Variants in ZNF689 observed in about 807,000 individuals in gnomAD.
The protein encoded by ZNF689 is zinc finger protein 689, also known as short ORF-encoded histone-binding protein.
ZNF689 carries 14 observed loss-of-function variants against 37.2 expected under a neutral mutation model. The ratio of observed to expected loss-of-function variants is 0.38; its 90% confidence interval spans 0.25 to 0.59. The LOEUF is 0.59. Ranked by LOEUF, ZNF689 falls within the 20% of genes least tolerant of loss-of-function variation. The pLI is 0.68. For synonymous variants in ZNF689, 277 were observed against 283.3 expected (o/e 0.98, Z 0.22); for missense variants, 573 against 700.2 (o/e 0.82, Z 2.05).
chr16:30,604,703 G>C lies in ZNF689; in HGVS notation c.1064C>G (p.Ser355Cys). The change falls in exon 3 of 3, where the codon TCC becomes TGC. Residue 355 changes from serine (S) to cysteine (C), a missense_variant. By Grantham distance (112) the Ser-to-Cys change is moderately radical. This residue lies in a region of ZNF689 where 317 missense variants were observed against 367.1 expected (regional missense o/e 0.86). Coordinates refer to ENST00000287461, the MANE Select transcript of ZNF689 (RefSeq NM_138447.3). The surrounding 1 kb of genome is among the most constrained non-coding windows in gnomAD (Gnocchi z 5.2). Reference protein sequence around the residue: ...YACEHCEARFSQRSTLLQHQL... With the variant: ...YACEHCEARFCQRSTLLQHQL... ...GTGCTGGAGCAGCGTGCTGCGCTGGGAGAAGCGGGCCTCACAGTGCTCGCA... is the reference window on the plus strand; with the variant it reads ...GTGCTGGAGCAGCGTGCTGCGCTGGCAGAAGCGGGCCTCACAGTGCTCGCA... 6.2e-7 allele frequency: 1 copy of C among 1,608,634 alleles called. No individual in the cohort carries two copies. Among genetic ancestry groups the C allele is most frequent in the Non-Finnish European group, 8.5e-7 (1 of 1,178,712 alleles).
intron 2 of ZNF689, 71 bp downstream of exon 2, chr16:30,609,452 ACT>A: frequency 6.9e-7 from 1 of 1,446,846 alleles, no homozygotes; most frequent in South Asian, 1.2e-5. Context: ...CCCAACCAAA[ACT>A]CTGGACAGAG....
chr16:30,605,107 G>A lies in ZNF689; in HGVS notation c.660C>T (p.Leu220=), dbSNP rs778388409. The A allele has an allele frequency of 1.9e-5, 31 of 1,613,886 alleles. No individual in the cohort carries two copies. The highest frequency in any genetic ancestry group is 2.5e-5 in the Non-Finnish European group (30 of 1,179,968). The change falls in exon 3 of 3, where the codon CTC becomes CTT. Residue 220 remains leucine (L), a synonymous_variant. Transcript: ENST00000287461. This position sits in a 1 kb window ranked among gnomAD's most constrained non-coding sequence, Gnocchi z 5.1. ...CTGTATGGATGACCTGGTGCTGGGA[G>A]AGGTTCTTGCGCTGGGAGAAACGTT... The part of the protein sequence containing the change: ...CGKRFSQRKN[L]SQHQVIHTGE...
chr16:30,609,302 G>C, intron 2 of ZNF689: 10 of 239,062 alleles, frequency 4.2e-5, no homozygotes, highest in Non-Finnish European at 6.5e-5. Flanking sequence ...CGAAGAATAA[G>C]CCCACTGATT....
rs1386683708 is a variant in ZNF689, at chr16:30,610,167, A to T, written c.-126T>A. 4 of 1,182,628 alleles carry T rather than the reference A, an allele frequency of 3.4e-6. No individual in the cohort carries two copies. The African/African-American group carries it at 6.2e-5, about 18-fold the overall frequency. The allele number at this position is 1,182,628 out of a possible 1,614,324, so 73.3% of individuals were successfully genotyped here. A position where few individuals can be genotyped will look rare whatever the true frequency, so the allele number is the denominator to read the frequency against. ...AGCGTGGCCGGGGAGGCCCGGAGGG[A>T]ATCGGAATTGGTCGCCCGCGGGGCT... is the stretch of plus-strand genomic sequence containing the variant. On this transcript the variant is annotated 5_prime_UTR_variant, in exon 1 of 3. Transcript: ENST00000287461.
At position 30,609,648 on chromosome 16, in the gene ZNF689, G is replaced by C; in HGVS notation, c.206-10C>G. On this transcript the variant is annotated splice_polypyrimidine_tract_variant and intron_variant, in intron 1 of 2. Transcript: ENST00000287461. ...TTGGGACCTGCGCACCCTGGGGAAAGAGAACAAATCAGAAGGCCAGCTCCT... is the reference window on the plus strand; with the variant it reads ...TTGGGACCTGCGCACCCTGGGGAAACAGAACAAATCAGAAGGCCAGCTCCT... The C allele has an allele frequency of 6.2e-7, 1 of 1,613,876 alleles. No individual in the cohort carries two copies. Among genetic ancestry groups the C allele is most frequent in the Non-Finnish European group, 8.5e-7 (1 of 1,179,940 alleles).
chr16:30,610,372 GC>G lies in ZNF689; in HGVS notation c.-332del. The G allele has an allele frequency of 3.2e-6, 1 of 313,652 alleles. No individual in the cohort carries two copies. Among genetic ancestry groups the G allele is most frequent in the Non-Finnish European group, 5.9e-6 (1 of 168,756 alleles). 19.4% of individuals were successfully genotyped at this position (313,652 alleles called of 1,614,324 possible). ...GCCATGCCGGCTTCCTAACCTCTTTGCCCTCAAGTGTAATGGCGCTGCGATT... is the reference window on the plus strand; with the variant it reads ...GCCATGCCGGCTTCCTAACCTCTTTGCCTCAAGTGTAATGGCGCTGCGATT... On this transcript the variant is annotated 5_prime_UTR_variant, in exon 1 of 3. Coordinates refer to ENST00000287461, the MANE Select transcript of ZNF689 (RefSeq NM_138447.3).
chr16:30,609,608 G>A lies in ZNF689; in HGVS notation c.236C>T (p.Ser79Phe), dbSNP rs1202906130. 1.9e-6 allele frequency: 3 copies of A among 1,613,948 alleles called. No homozygotes were observed. Among genetic ancestry groups the A allele is most frequent in the African/African-American group, 2.7e-5 (2 of 74,858 alleles). The change falls in exon 2 of 3, where the codon TCC (serine) becomes TTC (phenylalanine). Residue 79 changes from serine to phenylalanine, a missense_variant. Ser to Phe is a radical substitution (Grantham distance 155, BLOSUM62 -2). This residue lies in a region of ZNF689 where 252 missense variants were observed against 313.3 expected (regional missense o/e 0.80). Coordinates refer to ENST00000287461, the MANE Select transcript of ZNF689 (RefSeq NM_138447.3). ...GCAGPKPALI[S>F]WLERNTDDWE... is the part of the protein sequence containing the mutation. Reference sequence around the variant, plus strand: ...GTCATCGGTGTTTCGTTCCAACCAGGAGATGAGGGCTGGTTTGGGACCTGC... The same window carrying A: ...GTCATCGGTGTTTCGTTCCAACCAGAAGATGAGGGCTGGTTTGGGACCTGC...
Position 30,604,776 on chromosome 16 carries a change from G to A in ZNF689, c.991C>T (p.Arg331Cys), listed in dbSNP as rs1366703240. The A allele has an allele frequency of 3.7e-6, 6 of 1,609,080 alleles. No individual in the cohort carries two copies. The highest frequency in any genetic ancestry group is 4.2e-6 in the Non-Finnish European group (5 of 1,178,112). Residue 331 changes from arginine (R) to cysteine (C), a missense_variant, in exon 3 of 3, where the codon CGC becomes TGC. This residue lies in a region of ZNF689 where 317 missense variants were observed against 367.1 expected (regional missense o/e 0.86). Coordinates refer to ENST00000287461, the MANE Select transcript of ZNF689 (RefSeq NM_138447.3). This position sits in a 1 kb window ranked among gnomAD's most constrained non-coding sequence, Gnocchi z 5.2. ...TGCACACGCCGGTGACTGACCAGGCGAGAGGAGGAGGAGAAGCGCCGCTCG... is the reference window on the plus strand; with the variant it reads ...TGCACACGCCGGTGACTGACCAGGCAAGAGGAGGAGGAGAAGCGCCGCTCG... Reference protein sequence around the residue: ...DCERRFSSSSRLVSHRRVHSG... With the variant: ...DCERRFSSSSCLVSHRRVHSG...
At chr16:30,610,462 C>A, upstream of ZNF689, 1 of 190,452 alleles carries the variant, frequency 5.3e-6, no homozygotes, top group Non-Finnish European at 1.1e-5. Context: ...AGCCGAAGAT[C>A]GAGCGTTCTG....
chr16:30,605,644 G>A lies in ZNF689; in HGVS notation c.320-197C>T, dbSNP rs757229876. Among the ~76,000 whole-genome samples the A allele has an allele frequency of 6.6e-6, 1 of 152,174 alleles. No individual in the cohort carries two copies. Among genetic ancestry groups the A allele is most frequent in the Non-Finnish European group, 1.5e-5 (1 of 68,024 alleles). On this transcript the variant is annotated intron_variant, in intron 2 of 2. Coordinates refer to ENST00000287461, the MANE Select transcript of ZNF689 (RefSeq NM_138447.3). This position sits in a 1 kb window ranked among gnomAD's most constrained non-coding sequence, Gnocchi z 5.1. ...AACCCAGCTTGGAGAAGTCTAGGAA[G>A]ATTTCTCGGAGATTAAACTAACTTT...
rs2052021742 is a variant in ZNF689 at position 30,604,973 on chromosome 16, C to T, written c.794G>A (p.Ser265Asn). 6.3e-7 allele frequency: 1 copy of T among 1,589,314 alleles called. No individual in the cohort carries two copies. Among genetic ancestry groups the T allele is most frequent in the East Asian group, 2.2e-5 (1 of 44,628 alleles). ...HTGEKPHQCP[S>N]CGRRFAYPSL... ...GGGGTAGGCGAAGCGACGTCCACAGCTAGGGCACTGGTGGGGTTTTTCACC... is the reference window on the plus strand; with the variant it reads ...GGGGTAGGCGAAGCGACGTCCACAGTTAGGGCACTGGTGGGGTTTTTCACC... Residue 265 changes from serine to asparagine, a missense_variant, in exon 3 of 3, where the codon AGC becomes AAC. Ser to Asn is a conservative substitution (Grantham distance 46). Around this residue, in one of 3 missense-constraint regions of ZNF689, gnomAD observed 317 missense variants for 367.1 expected, o/e 0.86. Coordinates refer to ENST00000287461, the MANE Select transcript of ZNF689 (RefSeq NM_138447.3). The surrounding 1 kb of genome is among the most constrained non-coding windows in gnomAD (Gnocchi z 5.2).
Position 30,609,579 on chromosome 16 carries a change from C to T in ZNF689, c.265G>A (p.Glu89Lys). The T allele has an allele frequency of 6.2e-7, 1 of 1,614,126 alleles. No homozygotes were observed. The part of the protein sequence containing the change: ...SWLERNTDDW[E>K]PAALDPQEYP... ...TCCTGCGGATCTAGAGCAGCCGGTT[C>T]CCAGTCATCGGTGTTTCGTTCCAAC... The change falls in exon 2 of 3, where the codon GAA becomes AAA. Residue 89 changes from glutamate (E) to lysine (K), a missense_variant. Coordinates refer to ENST00000287461, the MANE Select transcript of ZNF689 (RefSeq NM_138447.3).
rs1567526800 is a variant in ZNF689 at position 30,604,080 on chromosome 16, C to A, written c.*184G>T. On this transcript the variant is annotated 3_prime_UTR_variant, in exon 3 of 3. Coordinates refer to ENST00000287461, the MANE Select transcript of ZNF689 (RefSeq NM_138447.3). This position sits in a 1 kb window ranked among gnomAD's most constrained non-coding sequence, Gnocchi z 5.2. ...ACTTTAAGCAAATGACGTCACCTCT[C>A]CTAATGGGACTGTTCCAGACACGCA... 1 of 744,134 alleles carries A rather than the reference C, an allele frequency of 1.3e-6. No homozygotes were observed. The highest frequency in any genetic ancestry group is 1.5e-5 in the South Asian group (1 of 67,506). The allele number at this position is 744,134 out of a possible 1,614,324, so 46.1% of individuals were successfully genotyped here. A position where few individuals can be genotyped will look rare whatever the true frequency, so the allele number is the denominator to read the frequency against.
Position 30,604,948 on chromosome 16 carries a change from G to A in ZNF689, c.819C>T (p.Pro273=), listed in dbSNP as rs1170037972. ...CPSCGRRFAY[P]SLLAIHQRTH... ...TACGCTGGTGGATGGCTAGCAGGGA[G>A]GGGTAGGCGAAGCGACGTCCACAGC... is the stretch of plus-strand genomic sequence containing the variant. The change falls in exon 3 of 3, where the codon CCC becomes CCT. Residue 273 remains proline (P), a synonymous_variant. Coordinates refer to ENST00000287461, the MANE Select transcript of ZNF689 (RefSeq NM_138447.3). This position sits in a 1 kb window ranked among gnomAD's most constrained non-coding sequence, Gnocchi z 5.2. The A allele has an allele frequency of 6.3e-7, 1 of 1,577,154 alleles. No individual in the cohort carries two copies. Among genetic ancestry groups the A allele is most frequent in the Non-Finnish European group, 8.6e-7 (1 of 1,160,012 alleles).
chr16:30,604,620 G>A lies in ZNF689; in HGVS notation c.1147C>T (p.Arg383Trp). ...YPCPDCGRAFRRSGSLAIHRS... is the reference protein window; with the variant it reads ...YPCPDCGRAFWRSGSLAIHRS... ...TGGATGGCCAGGGAGCCGCTCCGCC[G>A]GAAGGCACGCCCACAGTCTGGGCAG... The change falls in exon 3 of 3, where the codon CGG becomes TGG. Residue 383 changes from arginine (R) to tryptophan (W), a missense_variant. Coordinates refer to ENST00000287461, the MANE Select transcript of ZNF689 (RefSeq NM_138447.3). The surrounding 1 kb of genome is among the most constrained non-coding windows in gnomAD (Gnocchi z 5.2). The A allele has an allele frequency of 1.2e-6, 2 of 1,608,382 alleles. No individual in the cohort carries two copies. The highest frequency in any genetic ancestry group is 1.7e-6 in the Non-Finnish European group (2 of 1,177,664).
intron 2 of ZNF689, among the ~76,000 whole-genome samples, chr16:30,608,945 C>A (rs568318771): frequency 6.6e-6 from 1 of 152,238 alleles, no homozygotes; most frequent in Admixed American, 6.5e-5. Flanking sequence ...GAGGAGATTG[C>A]AGTATGTCCT....
chr16:30,609,236 CA>C (rs1223004271), intron 2 of ZNF689, among the ~76,000 whole-genome samples: 1 of 110,802 alleles, frequency 9.0e-6, no homozygotes, highest in Non-Finnish European at 1.7e-5. Flanking sequence ...GCCAGAAGTT[CA>C]AGACCGAACT....
chr16:30,607,689 G>C (rs2052049489), intron 2 of ZNF689, among the ~76,000 whole-genome samples: 1 of 152,038 alleles, frequency 6.6e-6, no homozygotes, highest in Non-Finnish European at 1.5e-5. Context: ...AGCAAGACAG[G>C]CTGGGCGCGG....
In ZNF689 at chr16:30,604,890, CG is replaced by C; in HGVS notation, c.876del (p.Glu293SerfsTer302). The C allele has an allele frequency of 6.3e-7, 1 of 1,576,930 alleles. No individual in the cohort carries two copies. Among genetic ancestry groups the C allele is most frequent in the Non-Finnish European group, 8.6e-7 (1 of 1,161,484 alleles). On this transcript the variant is annotated frameshift_variant, in exon 3 of 3. Transcript: ENST00000287461. LOFTEE classifies it high-confidence loss of function. The surrounding 1 kb of genome is among the most constrained non-coding windows in gnomAD (Gnocchi z 5.2). The part of the protein sequence containing the change: ...THTGEKPYTC[L>X]ECNRRFRQRT... ...CGCTGGCGGAAGCGGCGGTTGCACT[CG>C]AGGCAAGTGTAGGGCTTCTCTCCCG... is the stretch of plus-strand genomic sequence containing the variant.
Sources: gnomAD v4.1 joint callset for allele counts (sites outside exome capture counted in the v4.1 genomes callset) on GRCh38, gnomAD v4.1.1 for gene constraint, gnomAD v4.1.1 regional missense constraint, Gnocchi (gnomAD v3.1) non-coding constraint, MANE v1.5 for transcripts, NCBI Gene and HGNC (gene_info 2026-07-23, HGNC 2026-07-21) for gene names.